EXT1: variants seen among roughly 807,000 people sequenced by gnomAD.
The protein encoded by EXT1 is exostosin-1.
EXT1 carries 20 observed loss-of-function variants against 82.5 expected under a neutral mutation model. That is an observed-to-expected ratio of 0.24 (90% CI 0.17 to 0.35). The LOEUF (loss-of-function observed/expected upper bound fraction) is 0.35, where lower values mean the gene tolerates loss of function less well. Among genes scored for constraint, EXT1 ranks in the 10% least tolerant of loss-of-function variants. EXT1 has a pLI of 1.00. For synonymous variants in EXT1, 348 were observed against 350.8 expected (o/e 0.99, Z 0.09); for missense variants, 757 against 936.5 (o/e 0.81, Z 2.50).
chr8:118,020,159 T>C (rs1282946666), intron 1 of EXT1, among the ~76,000 whole-genome samples: 3 of 152,234 alleles, frequency 2.0e-5, no homozygotes, highest in African/African-American at 7.2e-5. Context: ...TAAAAATGCT[T>C]GTCTGGAAAG....
Position 118,111,401 on chromosome 8 carries a change from A to G in EXT1, c.-355T>C, listed in dbSNP as rs1817901623. ...AGAAAAAAAAAGCTCCCGATACCCA[A>G]TCAATGGCAAGACGAAGTGATTGCC... On this transcript the variant is annotated 5_prime_UTR_variant, in exon 1 of 11. Coordinates refer to ENST00000378204, the MANE Select transcript of EXT1 (RefSeq NM_000127.3). 5 of 543,712 alleles carry G rather than the reference A, an allele frequency of 9.2e-6. No individual in the cohort carries two copies. The highest frequency in any genetic ancestry group is 1.6e-5 in the Non-Finnish European group (5 of 308,600). The allele number at this position is 543,712 out of a possible 1,614,324, so 33.7% of individuals were successfully genotyped here. A position where few individuals can be genotyped will look rare whatever the true frequency, so the allele number is the denominator to read the frequency against.
intron 8 of EXT1, among the ~76,000 whole-genome samples, chr8:117,809,165 A>G (rs1823278199): frequency 6.8e-6 from 1 of 146,196 alleles, no homozygotes; most frequent in Non-Finnish European, 1.5e-5. Flanking sequence ...GTATGTATGT[A>G]TGTATGTATG....
intron 1 of EXT1, among the ~76,000 whole-genome samples, chr8:117,865,270 CA>C (rs1812758450): frequency 6.6e-6 from 1 of 152,210 alleles, no homozygotes. Context: ...CGGTCTCAAG[CA>C]ATCCTGGCAC....
intron 1 of EXT1, among the ~76,000 whole-genome samples, chr8:117,983,547 C>T (rs189794657): frequency 6.6e-6 from 1 of 152,072 alleles, no homozygotes; most frequent in African/African-American, 2.4e-5. Flanking sequence ...GTAGTAACAG[C>T]CCCAATGTCA....
chr8:117,820,655 C>T (rs922974754), intron 5 of EXT1, among the ~76,000 whole-genome samples: 5 of 151,676 alleles, frequency 3.3e-5, no homozygotes, highest in African/African-American at 9.7e-5. Context: ...GCCGATGGTG[C>T]CACTATACTC....
intron 4 of EXT1, 62 bp downstream of exon 4, chr8:117,830,168 A>C (rs1587001367): frequency 6.2e-7 from 1 of 1,609,012 alleles, no homozygotes; most frequent in East Asian, 2.2e-5. Context: ...GCAAAACAGA[A>C]GGCTGAGAGA....
chr8:117,909,660 A>G (rs966308761), intron 1 of EXT1, among the ~76,000 whole-genome samples: 10 of 152,224 alleles, frequency 6.6e-5, no homozygotes, highest in Admixed American at 3.9e-4. Context: ...ACAAAATCAT[A>G]GTTGGATGGT....
intron 1 of EXT1, among the ~76,000 whole-genome samples, chr8:118,004,870 C>T (rs1360256951): frequency 2.6e-5 from 4 of 152,090 alleles, no homozygotes; most frequent in East Asian, 3.9e-4. Context: ...TTTGATTTAC[C>T]GGATATGAGG....
rs191919950 is a variant in EXT1 at position 117,813,067 on chromosome 8, C to T, written c.1633-106G>A. ...CCCATCCTCACCTGCATAAAGAATG[C>T]GCTACTATCATGTCACCCCTCAACA... On this transcript the variant is annotated intron_variant, in intron 7 of 10. Transcript: ENST00000378204. The T allele has an allele frequency of 3.9e-4, 338 of 863,510 alleles. 1 individual carries two copies. The highest frequency in any genetic ancestry group is 5.9e-4 in the Non-Finnish European group (306 of 520,898). 53.5% of individuals were successfully genotyped at this position (863,510 alleles called of 1,614,324 possible).
At chr8:117,940,119 C>T (rs1276625229) in intron 1 of EXT1, among the ~76,000 whole-genome samples, 1 of 152,246 alleles carries the variant, frequency 6.6e-6, no homozygotes, top group Non-Finnish European at 1.5e-5. Flanking sequence ...CCAAGATTTA[C>T]CAACTGTCAG....
Position 117,930,837 on chromosome 8 carries a change from C to A in EXT1, c.963-93636G>T, listed in dbSNP as rs370455439. Among the ~76,000 whole-genome samples, 28 of 150,056 alleles carry A rather than the reference C, an allele frequency of 1.9e-4. 3 individuals are homozygous for A. Among genetic ancestry groups the A allele is most frequent in the Admixed American group, 1.6e-3 (24 of 15,226 alleles). On this transcript the variant is annotated intron_variant, in intron 1 of 10. Transcript: ENST00000378204. The stretch of plus-strand genomic sequence containing the variant: ...CACAAAGACCTTGCTGATAAAACAG[C>A]ATGCGGTAAAGATGCCAGCCAAATC...
intron 1 of EXT1, among the ~76,000 whole-genome samples, chr8:118,096,732 G>C (rs1386593350): frequency 1.3e-5 from 2 of 151,664 alleles, no homozygotes; most frequent in Non-Finnish European, 2.9e-5. Context: ...AAGGAAGAAA[G>C]GATACCTTGG....
At chr8:117,865,722 G>A (rs897630665) in intron 1 of EXT1, among the ~76,000 whole-genome samples, 6 of 152,110 alleles carry the variant, frequency 3.9e-5, no homozygotes, top group South Asian at 4.1e-4. Flanking sequence ...GGCACTAATC[G>A]TATAAATCGT....
intron 1 of EXT1, among the ~76,000 whole-genome samples, chr8:118,002,632 C>T (rs961451310): frequency 6.6e-6 from 1 of 150,864 alleles, no homozygotes; most frequent in African/African-American, 2.4e-5. Context: ...CCCAGATTCA[C>T]CCCATTCTCC....
At chr8:117,943,206 T>G (rs913281278) in intron 1 of EXT1, among the ~76,000 whole-genome samples, 2 of 152,220 alleles carry the variant, frequency 1.3e-5, no homozygotes, top group Admixed American at 6.5e-5. Context: ...AAGTCTTTAA[T>G]GTAAACATTG....
intron 1 of EXT1, among the ~76,000 whole-genome samples, chr8:117,873,434 T>C (rs1403751652): frequency 6.7e-6 from 1 of 149,550 alleles, no homozygotes; most frequent in Non-Finnish European, 1.5e-5. Flanking sequence ...TTAAGACCAA[T>C]GTTGTCCTGT....
chr8:118,030,189 A>G (rs761705814), intron 1 of EXT1, among the ~76,000 whole-genome samples: 1 of 151,510 alleles, frequency 6.6e-6, no homozygotes, highest in Non-Finnish European at 1.5e-5. Flanking sequence ...TGGTTGAGAG[A>G]GGTGATTTTG....
At chr8:117,805,952 T>C (rs568435343) in intron 9 of EXT1, among the ~76,000 whole-genome samples, 1 of 152,236 alleles carries the variant, frequency 6.6e-6, no homozygotes, top group Non-Finnish European at 1.5e-5. Context: ...TGAACCTATA[T>C]ATTTTCCCTC....
At chr8:118,032,369 C>T (rs1036642017) in intron 1 of EXT1, among the ~76,000 whole-genome samples, 5 of 151,606 alleles carry the variant, frequency 3.3e-5, no homozygotes, top group African/African-American at 1.2e-4. Context: ...CAGGGGATTC[C>T]GAGGCATTTG....
Sources: gnomAD v4.1 joint callset for allele counts (sites outside exome capture counted in the v4.1 genomes callset) on GRCh38, gnomAD v4.1.1 for gene constraint, MANE v1.5 for transcripts, NCBI Gene and HGNC (gene_info 2026-07-23, HGNC 2026-07-21) for gene names.